Variants in GNPAT observed in about 807,000 individuals in gnomAD.
The protein encoded by GNPAT is dihydroxyacetone phosphate acyltransferase.
Under a neutral mutation model 78.4 loss-of-function variants are expected in GNPAT, and 30 were observed. The observed-to-expected ratio is 0.38, with a 90% confidence interval of 0.29 to 0.52. The LOEUF is 0.52. Among genes scored for constraint, GNPAT ranks in the 20% least tolerant of loss-of-function variants. The pLI, the probability that GNPAT is intolerant of heterozygous loss-of-function variation, is 0.84. For synonymous variants in GNPAT, 271 were observed against 281.1 expected (o/e 0.96, Z 0.36); for missense variants, 714 against 812.2 (o/e 0.88, Z 1.47).
chr1:231,274,682 A>G (rs1349799296), intron 12 of GNPAT, among the ~76,000 whole-genome samples: 1 of 152,146 alleles, frequency 6.6e-6, no homozygotes, highest in Non-Finnish European at 1.5e-5. Context: ...CTCTGTTCAT[A>G]TAATACATGC....
intron 9 of GNPAT, among the ~76,000 whole-genome samples, chr1:231,269,116 G>C (rs1318085759): frequency 6.8e-6 from 1 of 146,188 alleles, no homozygotes; most frequent in Non-Finnish European, 1.5e-5. Flanking sequence ...GGGTGGGTGG[G>C]TAATGTGTAA....
At chr1:231,274,092 G>A in intron 12 of GNPAT, 30 bp downstream of exon 12, 1 of 1,590,980 alleles carries the variant, frequency 6.3e-7, no homozygotes, top group Non-Finnish European at 8.6e-7. Flanking sequence ...TCTCCTTCAT[G>A]CCCCCCATAT....
chr1:231,258,959 A>G (rs1286968896), intron 2 of GNPAT, among the ~76,000 whole-genome samples: 1 of 152,048 alleles, frequency 6.6e-6, no homozygotes, highest in Non-Finnish European at 1.5e-5. Context: ...TAAAAGTGGA[A>G]TGCTAATTAA....
chr1:231,249,309 C>G (rs1306284820), intron 1 of GNPAT, among the ~76,000 whole-genome samples: 1 of 152,176 alleles, frequency 6.6e-6, no homozygotes, highest in East Asian at 1.9e-4. Flanking sequence ...TATATATGGA[C>G]ATAAAAATGT....
intron 5 of GNPAT, 86 bp from the exon 6 acceptor site, chr1:231,265,626 G>A: frequency 1.1e-6 from 1 of 935,418 alleles, no homozygotes; most frequent in Non-Finnish European, 1.8e-6. Flanking sequence ...GCTTGGGAGG[G>A]AGCTTGGGAA....
Position 231,241,430 on chromosome 1 carries a change from C to T in GNPAT, c.52C>T (p.Pro18Ser). Residue 18 changes from proline to serine, a missense_variant, in exon 1 of 16, where the codon CCC becomes TCC. Pro to Ser is a moderately conservative substitution (Grantham distance 74). Transcript: ENST00000366647. The part of the protein sequence containing the change: ...NSYFSVGPTS[P>S]SAVVLLYSKE... Reference sequence around the variant, plus strand: ...TTATTTCTCCGTTGGCCCAACCAGTCCCAGCGCTGTCGTGCTCCTCTACTC... The same window carrying T: ...TTATTTCTCCGTTGGCCCAACCAGTTCCAGCGCTGTCGTGCTCCTCTACTC... The T allele has an allele frequency of 1.2e-6, 2 of 1,613,564 alleles. No individual in the cohort carries two copies. Among genetic ancestry groups the T allele is most frequent in the Non-Finnish European group, 8.5e-7 (1 of 1,179,490 alleles).
Position 231,277,771 on chromosome 1 carries a change from TA to T in GNPAT, c.*232del. On this transcript the variant is annotated 3_prime_UTR_variant, in exon 16 of 16. Coordinates refer to ENST00000366647, the MANE Select transcript of GNPAT (RefSeq NM_014236.4). ...CTGACACTATGTGTGTGTTTTAAAA[TA>T]AACTTTTGGAAACATGTTTGGAAAA... 2.0e-6 allele frequency: 1 copy of T among 495,006 alleles called. No homozygotes were observed. Among genetic ancestry groups the T allele is most frequent in the Non-Finnish European group, 3.6e-6 (1 of 275,330 alleles). The allele number at this position is 495,006 out of a possible 1,614,324, so 30.7% of individuals were successfully genotyped here. A position where few individuals can be genotyped will look rare whatever the true frequency, so the allele number is the denominator to read the frequency against.
intron 2 of GNPAT, among the ~76,000 whole-genome samples, chr1:231,254,259 G>A (rs914633998): frequency 2.6e-5 from 4 of 152,288 alleles, no homozygotes; most frequent in East Asian, 1.9e-4. Context: ...GATTGGAATC[G>A]TACAAATTCA....
chr1:231,242,759 T>A (rs928383265), intron 1 of GNPAT, among the ~76,000 whole-genome samples: 2 of 152,256 alleles, frequency 1.3e-5, no homozygotes, highest in Admixed American at 6.5e-5. Flanking sequence ...TGTTTGTTTG[T>A]TTGTTTGTTT....
rs962879809 is a variant in GNPAT at position 231,267,990 on chromosome 1, A to T, written c.1279+87A>T. 48 of 850,080 alleles carry T rather than the reference A, an allele frequency of 5.6e-5. No homozygotes were observed. The South Asian group carries it at 6.7e-4, about 12-fold the overall frequency. The allele number at this position is 850,080 out of a possible 1,614,324, so 52.7% of individuals were successfully genotyped here. On this transcript the variant is annotated intron_variant, in intron 9 of 15. Transcript: ENST00000366647. ...ACCTGAAAAATCTATAGAGGACTTG[A>T]GCAAAGGATTGCTCAGAAAGAGAAA...
intron 11 of GNPAT, among the ~76,000 whole-genome samples, chr1:231,272,925 A>G (rs1685608319): frequency 6.6e-6 from 1 of 152,182 alleles, no homozygotes; most frequent in African/African-American, 2.4e-5. Context: ...CTGTGAGCCA[A>G]GATTGTGCCA....
At chr1:231,245,491 T>A (rs1558323078) in intron 1 of GNPAT, among the ~76,000 whole-genome samples, 2 of 152,094 alleles carry the variant, frequency 1.3e-5, no homozygotes, top group African/African-American at 4.8e-5. Flanking sequence ...AAACGATTGA[T>A]CCTCTTGCCT....
chr1:231,243,564 T>C (rs757739790), intron 1 of GNPAT, among the ~76,000 whole-genome samples: 13 of 152,098 alleles, frequency 8.5e-5, no homozygotes, highest in Non-Finnish European at 1.9e-4. Flanking sequence ...CCTCAAGTGA[T>C]CTACTCACCT....
In GNPAT at chr1:231,251,383, C is replaced by T. The variant is rs187232850; in HGVS notation, c.261+240C>T. Among the ~76,000 whole-genome samples the T allele has an allele frequency of 1.6e-4, 25 of 152,076 alleles. No individual in the cohort carries two copies. The East Asian group carries it at 4.4e-3, about 27-fold the overall frequency. On this transcript the variant is annotated intron_variant, in intron 2 of 15. Coordinates refer to ENST00000366647, the MANE Select transcript of GNPAT (RefSeq NM_014236.4). The stretch of plus-strand genomic sequence containing the variant: ...GTCTGGGCATAAGTGAAATATGATA[C>T]GAGACATGCTAGTGGGAGCCCAGTG...
intron 2 of GNPAT, among the ~76,000 whole-genome samples, chr1:231,257,246 G>A (rs547509303): frequency 6.6e-6 from 1 of 152,312 alleles, no homozygotes; most frequent in Non-Finnish European, 1.5e-5. Flanking sequence ...ACTGGCTCAA[G>A]ATGGCATGAT....
In GNPAT at chr1:231,264,355, T is replaced by A. The variant is rs115194697; in HGVS notation, c.569-938T>A. ...ATTCAGCAGTGTGGATATTTCATAATTTAGTAGTTTTGCTGTTATAAACAA... is the reference window on the plus strand; with the variant it reads ...ATTCAGCAGTGTGGATATTTCATAAATTAGTAGTTTTGCTGTTATAAACAA... On this transcript the variant is annotated intron_variant, in intron 4 of 15. Coordinates refer to ENST00000366647, the MANE Select transcript of GNPAT (RefSeq NM_014236.4). Among the ~76,000 whole-genome samples the A allele has an allele frequency of 2.8e-3, 419 of 152,334 alleles. 5 individuals carry two copies. Among genetic ancestry groups the A allele is most frequent in the African/African-American group, 9.4e-3 (390 of 41,586 alleles).
At chr1:231,258,116 T>TTCTGCCC (rs979432106) in intron 2 of GNPAT, 1 of 152,814 alleles carries the variant, frequency 6.5e-6, no homozygotes, top group Non-Finnish European at 1.5e-5. Flanking sequence ...TTTCCCTTGG[T>TTCTGCCC]TCTGCCCTCT....
Position 231,260,648 on chromosome 1 carries a change from T to G in GNPAT, c.403T>G (p.Ser135Ala). ...TLSKVFKQIF[S>A]KVCVNEEGIQ... ...GAGCAAAGTATTTAAACAAATTTTC[T>G]CGAAGGTGTGTGTAAATGAAGAAGG... Residue 135 changes from serine (S) to alanine (A), a missense_variant, in exon 3 of 16, where the codon TCG becomes GCG. Ser to Ala is a moderately conservative substitution (Grantham distance 99). Transcript: ENST00000366647. The G allele has an allele frequency of 6.2e-7, 1 of 1,612,808 alleles. No individual in the cohort carries two copies. The highest frequency in any genetic ancestry group is 1.3e-5 in the African/African-American group (1 of 74,964).
Position 231,241,319 on chromosome 1 carries a change from A to C in GNPAT, c.-60A>C. On this transcript the variant is annotated 5_prime_UTR_variant, in exon 1 of 16. Coordinates refer to ENST00000366647, the MANE Select transcript of GNPAT (RefSeq NM_014236.4). ...CCTGAGCGAAAGAACCGCCCCCAGC[A>C]GGAGCACCACCACGGCTTAGCAAAG... The C allele has an allele frequency of 6.8e-7, 1 of 1,469,062 alleles. No homozygotes were observed. The highest frequency in any genetic ancestry group is 9.5e-7 in the Non-Finnish European group (1 of 1,047,606). The allele number at this position is 1,469,062 out of a possible 1,614,324, so 91.0% of individuals were successfully genotyped here.
Sources: allele counts gnomAD v4.1 joint callset (sites outside exome capture counted in the v4.1 genomes callset), GRCh38; gene constraint gnomAD v4.1.1; transcripts MANE v1.5; gene names NCBI Gene and HGNC (gene_info 2026-07-23, HGNC 2026-07-21).